Variants in OSBPL3 observed in about 807,000 individuals in gnomAD.
OSBPL3 encodes the protein oxysterol-binding protein-related protein 3.
In OSBPL3, 65 loss-of-function variants were observed where a neutral mutation model predicts 120.1. That is an observed-to-expected ratio of 0.54 (90% CI 0.44 to 0.67). The LOEUF is 0.67. Ranked by LOEUF, OSBPL3 falls within the 30% of genes least tolerant of loss-of-function variation. The probability of loss-of-function intolerance (pLI) is 0.00; values close to 1 mark genes in which losing one functional copy is unlikely to be tolerated. For missense variants in OSBPL3, 1,004 were observed against 1,082.1 expected (o/e 0.93, Z 1.01); for synonymous variants, 416 against 402.6 (o/e 1.03, Z -0.40).
chr7:24,904,238 A>G (rs1486886415), intron 1 of OSBPL3, among the ~76,000 whole-genome samples: 4 of 152,188 alleles, frequency 2.6e-5, no homozygotes, highest in Non-Finnish European at 1.5e-5. Context: ...TTCCTAACAA[A>G]GACAGTAGTT....
intron 18 of OSBPL3, 65 bp downstream of exon 18, chr7:24,816,545 G>T: frequency 9.1e-7 from 1 of 1,101,262 alleles, no homozygotes; most frequent in South Asian, 1.3e-5. Flanking sequence ...TGGGCATCCT[G>T]TCCCCAAAGC....
rs192604897 is a variant in OSBPL3 at position 24,962,287 on chromosome 7, G to A, written c.-150+17599C>T. Among the ~76,000 whole-genome samples the A allele has an allele frequency of 5.2e-3, 787 of 151,182 alleles. 9 individuals are homozygous for A. The highest frequency in any genetic ancestry group is 0.018 in the African/African-American group (746 of 41,078). On this transcript the variant is annotated intron_variant, in intron 1 of 22. Coordinates refer to ENST00000313367, the MANE Select transcript of OSBPL3 (RefSeq NM_015550.4). ...CATTACACTCCAGCCTGGGCGACGA[G>A]AGTGAAACTCTATCAGAAATAAAGA...
chr7:24,892,306 T>C lies in OSBPL3; in HGVS notation c.96+71A>G, dbSNP rs113926986. On this transcript the variant is annotated intron_variant, in intron 2 of 22. Transcript: ENST00000313367. The stretch of plus-strand genomic sequence containing the variant: ...TGAGAAGTAGGCTTTCCCAAGTAAA[T>C]GTGTGCATTTTAACCAGCAAACTTG... 3.6e-5 allele frequency: 54 copies of C among 1,487,464 alleles called. 1 individual carries two copies. The African/African-American group carries it at 5.1e-4, about 14-fold the overall frequency. The allele number at this position is 1,487,464 out of a possible 1,614,324, so 92.1% of individuals were successfully genotyped here.
intron 1 of OSBPL3, among the ~76,000 whole-genome samples, chr7:24,908,999 A>AC (rs1808373113): frequency 6.6e-6 from 1 of 152,170 alleles, no homozygotes; most frequent in Non-Finnish European, 1.5e-5. Flanking sequence ...CACATGGTCT[A>AC]CCTTTCCCCA....
In OSBPL3 at chr7:24,879,212, C is replaced by T. The variant is rs1031698779; in HGVS notation, c.97-7143G>A. ...TTTAGAACAAGTGAGCTATGAGATC[C>T]TTTCTAAATCTTCTATCATAAACTC... On this transcript the variant is annotated intron_variant, in intron 2 of 22. Coordinates refer to ENST00000313367, the MANE Select transcript of OSBPL3 (RefSeq NM_015550.4). This position sits in a 1 kb window ranked among gnomAD's most constrained non-coding sequence, Gnocchi z 5.6. 6.6e-6 allele frequency among the ~76,000 whole-genome samples: 1 copy of T among 152,182 alleles called. No homozygotes were observed. Among genetic ancestry groups the T allele is most frequent in the African/African-American group, 2.4e-5 (1 of 41,452 alleles).
chr7:24,979,839 G>T, intron 1 of OSBPL3, 47 bp downstream of exon 1: 1 of 969,246 alleles, frequency 1.0e-6, no homozygotes, highest in Non-Finnish European at 1.2e-6. Context: ...CCGCCGCCAG[G>T]CCCCCCGACA....
rs144694061 is a variant in OSBPL3 at position 24,940,754 on chromosome 7, G to C, written c.-150+39132C>G. On this transcript the variant is annotated intron_variant, in intron 1 of 22. Transcript: ENST00000313367. The surrounding 1 kb of genome is among the most constrained non-coding windows in gnomAD (Gnocchi z 4.4). Reference sequence around the variant, plus strand: ...GCCAGGAACTCTAAGGCAAACAGGAGACAGCTACAAACCAAAGCTCACACT... The same window carrying C: ...GCCAGGAACTCTAAGGCAAACAGGACACAGCTACAAACCAAAGCTCACACT... Among the ~76,000 whole-genome samples the C allele has an allele frequency of 9.2e-3, 1,390 of 151,812 alleles. 29 individuals carry two copies. Among genetic ancestry groups the C allele is most frequent in the African/African-American group, 0.031 (1,285 of 41,406 alleles).
At chr7:24,963,642 TA>T (rs908202081) in intron 1 of OSBPL3, among the ~76,000 whole-genome samples, 1 of 152,016 alleles carries the variant, frequency 6.6e-6, no homozygotes, top group Non-Finnish European at 1.5e-5. Context: ...CATGGAGTGG[TA>T]AAAAAGGGGC....
intron 10 of OSBPL3, among the ~76,000 whole-genome samples, chr7:24,859,156 T>A (rs1056456453): frequency 6.6e-6 from 1 of 152,074 alleles, no homozygotes; most frequent in African/African-American, 2.4e-5. Flanking sequence ...ATAACCCACC[T>A]CATATCCAAC....
Position 24,947,077 on chromosome 7 carries a change from A to G in OSBPL3, c.-150+32809T>C, listed in dbSNP as rs960310958. 1.3e-5 allele frequency among the ~76,000 whole-genome samples: 2 copies of G among 152,240 alleles called. No homozygotes were observed. Among genetic ancestry groups the G allele is most frequent in the Non-Finnish European group, 2.9e-5 (2 of 68,040 alleles). ...CTGGACTGCTGAGTTCTAGCAAGGC[A>G]TAGAGCTGTCTAAAAACAAAGTCAG... On this transcript the variant is annotated intron_variant, in intron 1 of 22. Transcript: ENST00000313367. The surrounding 1 kb of genome is among the most constrained non-coding windows in gnomAD (Gnocchi z 4.4).
intron 5 of OSBPL3, among the ~76,000 whole-genome samples, chr7:24,868,162 CA>C (rs1431166882): frequency 6.6e-6 from 1 of 151,562 alleles, no homozygotes; most frequent in Non-Finnish European, 1.5e-5. Context: ...ACTAAAAATA[CA>C]AAAATTAGCT....
rs1460337369 is a variant in OSBPL3, at chr7:24,824,825, G to A, written c.1885-4587C>T. On this transcript the variant is annotated intron_variant, in intron 16 of 22. Transcript: ENST00000313367. The surrounding 1 kb of genome is among the most constrained non-coding windows in gnomAD (Gnocchi z 4.9). ...AGGAGTGCTGGTCAGACAGGGTGGT[G>A]GGGCAGGACTCTAATAATGGAAACC... Among the ~76,000 whole-genome samples, 1 of 152,178 alleles carries A rather than the reference G, an allele frequency of 6.6e-6. No individual in the cohort carries two copies. The highest frequency in any genetic ancestry group is 6.5e-5 in the Admixed American group (1 of 15,280).
In OSBPL3 at chr7:24,816,509, C is replaced by G; in HGVS notation, c.2027+101G>C. On this transcript the variant is annotated intron_variant, in intron 18 of 22. Transcript: ENST00000313367. ...GACAGATTAAAAGAAAAAATACACACTCAATGCAACTGCCGGGGGCGGGGG... is the reference window on the plus strand; with the variant it reads ...GACAGATTAAAAGAAAAAATACACAGTCAATGCAACTGCCGGGGGCGGGGG... 5 of 755,462 alleles carry G rather than the reference C, an allele frequency of 6.6e-6. No individual in the cohort carries two copies. The Middle Eastern group carries it at 7.1e-4, about 107-fold the overall frequency. 46.8% of individuals were successfully genotyped at this position (755,462 alleles called of 1,614,324 possible).
chr7:24,864,928 GC>G (rs1801090708), intron 7 of OSBPL3, among the ~76,000 whole-genome samples: 1 of 152,164 alleles, frequency 6.6e-6, no homozygotes, highest in Non-Finnish European at 1.5e-5. Context: ...CATTTTAAAA[GC>G]CCTCTGGGTG....
chr7:24,844,460 G>A (rs1046762106), intron 12 of OSBPL3, among the ~76,000 whole-genome samples: 3 of 151,202 alleles, frequency 2.0e-5, no homozygotes, highest in Non-Finnish European at 2.9e-5. Context: ...TTCTTCCAAT[G>A]TGGCCTAGAG....
At position 24,953,906 on chromosome 7, in the gene OSBPL3, T is replaced by C. The variant is rs80163184; in HGVS notation, c.-150+25980A>G. On this transcript the variant is annotated intron_variant, in intron 1 of 22. Coordinates refer to ENST00000313367, the MANE Select transcript of OSBPL3 (RefSeq NM_015550.4). This position sits in a 1 kb window ranked among gnomAD's most constrained non-coding sequence, Gnocchi z 4.3. ...CAGCTCATGAAGAAAATAATCCTTA[T>C]GGTAATCATCACAATGATGATCAAC... is the stretch of plus-strand genomic sequence containing the variant. 0.02 allele frequency among the ~76,000 whole-genome samples: 3,041 copies of C among 152,300 alleles called. 87 individuals are homozygous for C. Among genetic ancestry groups the C allele is most frequent in the African/African-American group, 0.069 (2,881 of 41,548 alleles).
rs930781854 is a variant in OSBPL3 at position 24,827,415 on chromosome 7, G to C, written c.1884+3353C>G. Among the ~76,000 whole-genome samples, 13 of 152,218 alleles carry C rather than the reference G, an allele frequency of 8.5e-5. No homozygotes were observed. Among genetic ancestry groups the C allele is most frequent in the African/African-American group, 3.1e-4 (13 of 41,462 alleles). On this transcript the variant is annotated intron_variant, in intron 16 of 22. Coordinates refer to ENST00000313367, the MANE Select transcript of OSBPL3 (RefSeq NM_015550.4). This position sits in a 1 kb window ranked among gnomAD's most constrained non-coding sequence, Gnocchi z 5.1. Reference sequence around the variant, plus strand: ...AGCTGATAGGCTCCTGCTGGCCAGGGAAAGGGAGGCCCTGGCCCTACACCC... The same window carrying C: ...AGCTGATAGGCTCCTGCTGGCCAGGCAAAGGGAGGCCCTGGCCCTACACCC...
rs1235350341 is a variant in OSBPL3 at position 24,851,295 on chromosome 7, GACA to G, written c.1158+1206_1158+1208del. On this transcript the variant is annotated intron_variant, in intron 11 of 22. Coordinates refer to ENST00000313367, the MANE Select transcript of OSBPL3 (RefSeq NM_015550.4). This position sits in a 1 kb window ranked among gnomAD's most constrained non-coding sequence, Gnocchi z 4.1. ...GGGGCGATTCTATCTGTGACCTTAAGACAACGTTAAGACTCTTCTTTATATATG... is the reference window on the plus strand; with the variant it reads ...GGGGCGATTCTATCTGTGACCTTAAGACGTTAAGACTCTTCTTTATATATG... Among the ~76,000 whole-genome samples, 1 of 152,218 alleles carries G rather than the reference GACA, an allele frequency of 6.6e-6. No individual in the cohort carries two copies. Among genetic ancestry groups the G allele is most frequent in the Non-Finnish European group, 1.5e-5 (1 of 68,032 alleles).
In OSBPL3 at chr7:24,852,117, A is replaced by G. The variant is rs1445007843; in HGVS notation, c.1158+387T>C. 1.3e-5 allele frequency among the ~76,000 whole-genome samples: 2 copies of G among 152,212 alleles called. No individual in the cohort carries two copies. Among genetic ancestry groups the G allele is most frequent in the Non-Finnish European group, 2.9e-5 (2 of 68,028 alleles). On this transcript the variant is annotated intron_variant, in intron 11 of 22. Coordinates refer to ENST00000313367, the MANE Select transcript of OSBPL3 (RefSeq NM_015550.4). The surrounding 1 kb of genome is among the most constrained non-coding windows in gnomAD (Gnocchi z 4.1). ...TTCACTCTGCCACCTGTCATTTGGA[A>G]AGTAAGGCTAAGCTTGTGGTGTCTC...
Sources: gnomAD v4.1 joint callset for allele counts (sites outside exome capture counted in the v4.1 genomes callset) on GRCh38, gnomAD v4.1.1 for gene constraint, Gnocchi (gnomAD v3.1) non-coding constraint, MANE v1.5 for transcripts, NCBI Gene and HGNC (gene_info 2026-07-23, HGNC 2026-07-21) for gene names.